Variants in ZNF578 observed in about 807,000 individuals in gnomAD.
ZNF578 encodes the protein zinc finger protein 578.
Under a neutral mutation model 8.3 loss-of-function variants are expected in ZNF578, and 8 were observed. The observed-to-expected ratio is 0.96, with a 90% CI of 0.56 to 1.74. ZNF578 has a LOEUF of 1.74. Ranked by LOEUF, ZNF578 falls within the 40% of genes most tolerant of loss-of-function variation. ZNF578 has a pLI of 0.00. For synonymous variants in ZNF578, 206 were observed against 232.2 expected (o/e 0.89, Z 1.03); for missense variants, 726 against 707.5 (o/e 1.03, Z -0.30).
chr19:52,474,023 A>G, intron 2 of ZNF578: 1 of 420,344 alleles, frequency 2.4e-6, no homozygotes, highest in Non-Finnish European at 4.9e-6. Context: ...ATGTCGTGCA[A>G]GGTGTGCAAT....
chr19:52,473,160 A>G (rs1459584991), intron 2 of ZNF578, among the ~76,000 whole-genome samples: 1 of 152,206 alleles, frequency 6.6e-6, no homozygotes, highest in African/African-American at 2.4e-5. Flanking sequence ...CTACATTTAC[A>G]TGGTTTCTCT....
intron 2 of ZNF578, among the ~76,000 whole-genome samples, chr19:52,489,729 C>T (rs62119308): frequency 0.053 from 8,044 of 151,314 alleles, 271 homozygotes; most frequent in Middle Eastern, 0.082. Flanking sequence ...GATCTTGGCT[C>T]ACTGCAAGCT....
At chr19:52,484,401 G>C (rs1180127406) in intron 2 of ZNF578, among the ~76,000 whole-genome samples, 1 of 152,090 alleles carries the variant, frequency 6.6e-6, no homozygotes, top group Non-Finnish European at 1.5e-5. Context: ...GACCCTTTAC[G>C]GGTGTCGGGC....
rs927281827 is a variant in ZNF578 at position 52,510,572 on chromosome 19, A to C, written c.191A>C (p.Asp64Ala). ...ACGTATTGGTGTTTATATTTTGTAG[A>C]TATCTCTTCCAAACGCATGATGAAG... is the stretch of plus-strand genomic sequence containing the variant. ...LENYRNLEAV[D>A]ISSKRMMKEV... is the part of the protein sequence containing the mutation. Residue 64 changes from aspartate (D) to alanine (A), a missense_variant and splice_region_variant, in exon 6 of 6, where the codon GAT becomes GCT. Coordinates refer to ENST00000421239, the MANE Select transcript of ZNF578 (RefSeq NM_001099694.2). The C allele has an allele frequency of 1.3e-6, 2 of 1,526,404 alleles. No individual in the cohort carries two copies. Among genetic ancestry groups the C allele is most frequent in the Non-Finnish European group, 1.8e-6 (2 of 1,139,668 alleles). The allele number at this position is 1,526,404 out of a possible 1,614,324, so 94.6% of individuals were successfully genotyped here. A position where few individuals can be genotyped will look rare whatever the true frequency, so the allele number is the denominator to read the frequency against.
Position 52,511,957 on chromosome 19 carries a change from C to T in ZNF578, c.1576C>T (p.Leu526Phe). The part of the protein sequence containing the change: ...CGKTFNVQSH[L>F]SRHHRLHTGE... ...GAAGACTTTTAATGTACAGTCACAC[C>T]TTTCACGTCATCATAGACTTCATAC... Residue 526 changes from leucine (L) to phenylalanine (F), a missense_variant, in exon 6 of 6, where the codon CTT becomes TTT. Coordinates refer to ENST00000421239, the MANE Select transcript of ZNF578 (RefSeq NM_001099694.2). 1 of 1,613,992 alleles carries T rather than the reference C, an allele frequency of 6.2e-7. No homozygotes were observed. Among genetic ancestry groups the T allele is most frequent in the Non-Finnish European group, 8.5e-7 (1 of 1,179,984 alleles).
intron 2 of ZNF578, among the ~76,000 whole-genome samples, chr19:52,480,064 C>T (rs971214179): frequency 2.0e-5 from 3 of 152,152 alleles, no homozygotes; most frequent in African/African-American, 4.8e-5. Flanking sequence ...TGCCTGCCAC[C>T]ATGCCCGGCA....
At chr19:52,497,820 G>C (rs1568463939) in intron 3 of ZNF578, among the ~76,000 whole-genome samples, 1 of 152,038 alleles carries the variant, frequency 6.6e-6, no homozygotes, top group East Asian at 1.9e-4. Context: ...TATGTCATCT[G>C]AAAAAATGGT....
At chr19:52,472,029 C>T (rs1051524671) in intron 2 of ZNF578, among the ~76,000 whole-genome samples, 1 of 152,162 alleles carries the variant, frequency 6.6e-6, no homozygotes, top group Admixed American at 6.6e-5. Flanking sequence ...TATTGGTATA[C>T]TTCATATAAA....
intron 2 of ZNF578, among the ~76,000 whole-genome samples, chr19:52,489,179 GA>G (rs1469939314): frequency 1.1e-5 from 1 of 90,870 alleles, no homozygotes; most frequent in Non-Finnish European, 2.7e-5. Flanking sequence ...TGAGGCAGGA[GA>G]ATCTCTTTAG....
intron 2 of ZNF578, among the ~76,000 whole-genome samples, chr19:52,488,009 C>T (rs369463686): frequency 2.1e-5 from 3 of 146,240 alleles, no homozygotes; most frequent in East Asian, 4.5e-4. Flanking sequence ...GGCTGGAGTG[C>T]GATGGCATGA....
At chr19:52,480,430 A>G (rs1297423051) in intron 2 of ZNF578, among the ~76,000 whole-genome samples, 2 of 152,174 alleles carry the variant, frequency 1.3e-5, no homozygotes, top group African/African-American at 4.8e-5. Context: ...CTCTGAATGC[A>G]CTATGGCTGG....
chr19:52,503,032 A>G (rs1213128772), intron 4 of ZNF578, among the ~76,000 whole-genome samples: 2 of 152,026 alleles, frequency 1.3e-5, no homozygotes, highest in Non-Finnish European at 2.9e-5. Context: ...TGCTGGGACT[A>G]CAGGATGCAC....
intron 4 of ZNF578, among the ~76,000 whole-genome samples, chr19:52,503,983 A>C (rs1207849802): frequency 6.6e-6 from 1 of 151,820 alleles, no homozygotes; most frequent in Non-Finnish European, 1.5e-5. Flanking sequence ...TTTTTATTAG[A>C]GACATGGTTT....
intron 3 of ZNF578, among the ~76,000 whole-genome samples, chr19:52,495,415 A>G (rs2059382421): frequency 6.8e-6 from 1 of 147,792 alleles, no homozygotes; most frequent in Admixed American, 6.9e-5. Context: ...GCACCATTGT[A>G]CTTCAGCGTG....
chr19:52,494,151 G>A (rs2059377345), intron 3 of ZNF578, among the ~76,000 whole-genome samples: 1 of 150,944 alleles, frequency 6.6e-6, no homozygotes, highest in South Asian at 2.1e-4. Context: ...GAGAAGGGGA[G>A]AATGAGAGAT....
intron 2 of ZNF578, chr19:52,474,860 A>G (rs1376486232): frequency 9.7e-6 from 2 of 205,908 alleles, no homozygotes; most frequent in African/African-American, 2.4e-5. Context: ...TTGAATTGCA[A>G]CTAAAGAACT....
Position 52,512,299 on chromosome 19 carries a change from G to T in ZNF578, c.*145G>T. 1 of 1,557,846 alleles carries T rather than the reference G, an allele frequency of 6.4e-7. No homozygotes were observed. Among genetic ancestry groups the T allele is most frequent in the Non-Finnish European group, 8.8e-7 (1 of 1,130,094 alleles). ...AGTGTGGCAAAGCCTTTAGTGACCA[G>T]TCAACACTTACCATCAGGCCATTCA... On this transcript the variant is annotated 3_prime_UTR_variant, in exon 6 of 6. Transcript: ENST00000421239.
intron 3 of ZNF578, among the ~76,000 whole-genome samples, chr19:52,496,384 C>T (rs2059386481): frequency 6.8e-6 from 1 of 147,246 alleles, no homozygotes; most frequent in South Asian, 2.2e-4. Flanking sequence ...GGCTGGAGTG[C>T]AGTGGCGCAA....
intron 2 of ZNF578, among the ~76,000 whole-genome samples, chr19:52,467,379 T>G (rs924228816): frequency 6.6e-6 from 1 of 152,006 alleles, no homozygotes; most frequent in South Asian, 2.1e-4. Context: ...TGTGGTGAGC[T>G]GAGATCGCAC....
Sources: allele counts gnomAD v4.1 joint callset (sites outside exome capture counted in the v4.1 genomes callset), GRCh38; gene constraint gnomAD v4.1.1; transcripts MANE v1.5; gene names NCBI Gene and HGNC (gene_info 2026-07-23, HGNC 2026-07-21).